The following ATRX variants were observed in gnomAD, a reference collection of about 807,000 sequenced individuals.
The protein encoded by ATRX is ATRX chromatin remodeler.
Under a neutral mutation model 172.6 loss-of-function variants are expected in ATRX, and 12 were observed. The ratio of observed to expected loss-of-function variants is 0.07; its 90% CI spans 0.04 to 0.11. The LOEUF (loss-of-function observed/expected upper bound fraction) is 0.11. ATRX is among the 10% of genes least tolerant of loss of function. The probability of loss-of-function intolerance (pLI) is 1.00; values close to 1 mark genes in which losing one functional copy is unlikely to be tolerated. For synonymous variants in ATRX, 674 were observed against 594.7 expected (o/e 1.13, Z -1.94); for missense variants, 1,368 against 1,767.4 (o/e 0.77, Z 4.05).
rs782449271 is a variant in ATRX, at chrX:77,558,632, T to C, written c.6504+37A>G. On this transcript the variant is annotated intron_variant, in intron 29 of 34. Transcript: ENST00000373344. ...TCTCTAAAATATTATCAGTTTCACA[T>C]AAACTTTCAATATGAAAAAGAGAAT... 1.3e-5 allele frequency: 14 copies of C among 1,101,340 alleles called. No homozygotes were observed. The East Asian group carries it at 4.2e-4, about 33-fold the overall frequency. The allele number at this position is 1,101,340 out of a possible 1,213,427, so 90.8% of individuals were successfully genotyped here. A position where few individuals can be genotyped will look rare whatever the true frequency, so the allele number is the denominator to read the frequency against.
intron 15 of ATRX, among the ~76,000 whole-genome samples, chrX:77,641,440 G>C (rs1426140769): frequency 3.6e-5 from 4 of 109,715 alleles, no homozygotes; most frequent in African/African-American, 1.3e-4. Flanking sequence ...AATTAGCTGG[G>C]CATGGTGGCA....
At chrX:77,676,763 A>C (rs1202609612) in intron 9 of ATRX, among the ~76,000 whole-genome samples, 1 of 112,628 alleles carries the variant, frequency 8.9e-6, no homozygotes, top group African/African-American at 3.2e-5. Flanking sequence ...AGTTACCCAG[A>C]GATACAGTTC....
intron 25 of ATRX, among the ~76,000 whole-genome samples, chrX:77,598,100 C>T (rs2066531835): frequency 9.0e-6 from 1 of 111,571 alleles, no homozygotes; most frequent in African/African-American, 3.3e-5. Context: ...ATATACACAG[C>T]CACAATAAAG....
chrX:77,782,736 G>A (rs2076611097), intron 1 of ATRX, among the ~76,000 whole-genome samples: 1 of 109,852 alleles, frequency 9.1e-6, no homozygotes. Context: ...CTGGGCAACA[G>A]AGTGAGACTC....
intron 1 of ATRX, among the ~76,000 whole-genome samples, chrX:77,746,105 T>C (rs2075060796): frequency 9.0e-6 from 1 of 111,002 alleles, no homozygotes; most frequent in South Asian, 3.8e-4. Flanking sequence ...TGTGTACACA[T>C]GGACGTAGAG....
chrX:77,577,694 A>G (rs2148033625), intron 27 of ATRX, among the ~76,000 whole-genome samples: 1 of 111,835 alleles, frequency 8.9e-6, no homozygotes, highest in African/African-American at 3.2e-5. Context: ...CATTTAAATA[A>G]TTAAGCTCAA....
chrX:77,762,866 T>C (rs2075770681), intron 1 of ATRX, among the ~76,000 whole-genome samples: 1 of 111,342 alleles, frequency 9.0e-6, no homozygotes, highest in African/African-American at 3.3e-5. Context: ...GTGAGGATAA[T>C]AGCTTTTAAC....
chrX:77,528,372 G>A (rs2063467460), intron 30 of ATRX, among the ~76,000 whole-genome samples: 2 of 111,376 alleles, frequency 1.8e-5, no homozygotes, highest in South Asian at 3.8e-4. Flanking sequence ...GTCCACCCCA[G>A]TGCAACACAC....
At chrX:77,626,951 C>T (rs1175195237) in intron 19 of ATRX, among the ~76,000 whole-genome samples, 3 of 112,021 alleles carry the variant, frequency 2.7e-5, no homozygotes, top group Non-Finnish European at 5.6e-5. Context: ...GTAAGCCAGG[C>T]GCGGTGGCTC....
At chrX:77,743,043 G>A (rs1292895925) in intron 1 of ATRX, among the ~76,000 whole-genome samples, 1 of 110,984 alleles carries the variant, frequency 9.0e-6, no homozygotes, top group Non-Finnish European at 1.9e-5. Context: ...GGGCGGGGAT[G>A]GGGTGGCTCT....
At chrX:77,519,999 T>G (rs782490352) in intron 34 of ATRX, among the ~76,000 whole-genome samples, 6 of 112,220 alleles carry the variant, frequency 5.3e-5, no homozygotes, top group Non-Finnish European at 1.1e-4. Flanking sequence ...ATACTGCCAT[T>G]TGCAATAGCA....
Position 77,696,631 on chromosome X carries a change from C to T in ATRX, c.316G>A (p.Asp106Asn), listed in dbSNP as rs782614024. ...TTTTCTGAATTTTCATTAGACGCAT[C>T]TTCATTTACAGTTTCATCATCCAAA... ...KPLDDETVNEDASNENSENDI... is the reference protein window; with the variant it reads ...KPLDDETVNENASNENSENDI... The change falls in exon 5 of 35, where the codon GAT becomes AAT. Residue 106 changes from aspartate to asparagine, a missense_variant. This residue lies in a region of ATRX where 84 missense variants were observed against 82.8 expected (regional missense o/e 1.01). Coordinates refer to ENST00000373344, the MANE Select transcript of ATRX (RefSeq NM_000489.6). 1.7e-6 allele frequency: 2 copies of T among 1,201,897 alleles called. No homozygotes were observed. Among genetic ancestry groups the T allele is most frequent in the South Asian group, 1.8e-5 (1 of 56,679 alleles).
At position 77,774,859 on chromosome X, in the gene ATRX, C is replaced by T. The variant is rs782819759; in HGVS notation, c.20+11123G>A. 8.2e-5 allele frequency among the ~76,000 whole-genome samples: 9 copies of T among 110,013 alleles called. No individual in the cohort carries two copies. In the South Asian group the frequency reaches 3.5e-3, roughly 43 times the overall value. ...CTGAGTAGCTGGGACTCCAGGCATG[C>T]TCCACACCGGCTAATTTAGTACTTT... On this transcript the variant is annotated intron_variant, in intron 1 of 34. Transcript: ENST00000373344.
Position 77,525,894 on chromosome X carries a change from TA to T in ATRX, c.6700-2494del, listed in dbSNP as rs2063365543. Reference sequence around the variant, plus strand: ...ACAACACAATTTATAACATTAATTATATATTTAATGGTTGGAGGGGAAGCCT... The same window carrying T: ...ACAACACAATTTATAACATTAATTATTATTTAATGGTTGGAGGGGAAGCCT... On this transcript the variant is annotated intron_variant, in intron 30 of 34. Transcript: ENST00000373344. Among the ~76,000 whole-genome samples the T allele has an allele frequency of 4.4e-5, 5 of 112,562 alleles. No homozygotes were observed. In the Admixed American group the frequency reaches 4.7e-4, roughly 11 times the overall value.
chrX:77,612,196 G>T (rs1183187922), intron 22 of ATRX, among the ~76,000 whole-genome samples: 1 of 110,562 alleles, frequency 9.0e-6, no homozygotes, highest in African/African-American at 3.3e-5. Context: ...CACCTGTAGG[G>T]CTCATAAAAC....
intron 1 of ATRX, among the ~76,000 whole-genome samples, chrX:77,783,907 C>T (rs1220147331): frequency 8.9e-6 from 1 of 111,902 alleles, no homozygotes; most frequent in Non-Finnish European, 1.9e-5. Flanking sequence ...TTAAGACTCT[C>T]CTAGCATTAA....
intron 28 of ATRX, among the ~76,000 whole-genome samples, chrX:77,566,342 T>A (rs1309818219): frequency 5.4e-5 from 6 of 111,761 alleles, no homozygotes; most frequent in Admixed American, 9.5e-5. Flanking sequence ...GAGAAGGTAG[T>A]GACACATATT....
At chrX:77,594,902 G>A (rs1320474246) in intron 25 of ATRX, 6 of 111,616 alleles carry the variant, frequency 5.4e-5, no homozygotes, top group Non-Finnish European at 9.4e-5. Context: ...TGGAGCTCCC[G>A]TTCAATCATT....
intron 10 of ATRX, among the ~76,000 whole-genome samples, chrX:77,669,791 C>A (rs988334052): frequency 1.4e-4 from 15 of 110,664 alleles, no homozygotes; most frequent in African/African-American, 4.9e-4. Flanking sequence ...CTTGAACTCC[C>A]GGGCTAAAGC....
Sources: allele counts gnomAD v4.1 joint callset (sites outside exome capture counted in the v4.1 genomes callset), GRCh38; gene constraint gnomAD v4.1.1; regional missense constraint gnomAD v4.1.1; transcripts MANE v1.5; gene names NCBI Gene and HGNC (gene_info 2026-07-23, HGNC 2026-07-21).